Variants in NALF1 observed in about 807,000 individuals in gnomAD.
The protein encoded by NALF1 is family with sequence similarity 155 member A.
In NALF1, 3 loss-of-function variants were observed where a neutral mutation model predicts 48.4. The ratio of observed to expected loss-of-function variants is 0.06; its 90% CI spans 0.03 to 0.16. The LOEUF is 0.16. Ranked by LOEUF, NALF1 falls within the 10% of genes least tolerant of loss-of-function variation. The pLI, the probability that NALF1 is intolerant of heterozygous loss-of-function variation, is 1.00. For synonymous variants in NALF1, 262 were observed against 245.7 expected (o/e 1.07, Z -0.62); for missense variants, 526 against 571.5 (o/e 0.92, Z 0.81).
At chr13:107,725,810 C>T (rs1876132644) in intron 1 of NALF1, among the ~76,000 whole-genome samples, 1 of 152,000 alleles carries the variant, frequency 6.6e-6, no homozygotes, top group Admixed American at 6.6e-5. Flanking sequence ...TTTGTTTAAC[C>T]TGATATGAGT....
chr13:107,726,868 T>C (rs923801875), intron 1 of NALF1, among the ~76,000 whole-genome samples: 7 of 151,294 alleles, frequency 4.6e-5, no homozygotes, highest in African/African-American at 1.5e-4. Context: ...CCTCCCAAAG[T>C]GCTGGGATTA....
At chr13:107,559,945 G>A (rs1037529077) in intron 1 of NALF1, among the ~76,000 whole-genome samples, 5 of 152,076 alleles carry the variant, frequency 3.3e-5, no homozygotes, top group Non-Finnish European at 7.3e-5. Flanking sequence ...ACTAAAGGGG[G>A]ATCCACCGGC....
intron 1 of NALF1, among the ~76,000 whole-genome samples, chr13:107,820,673 A>G (rs1879337210): frequency 6.6e-6 from 1 of 152,202 alleles, no homozygotes; most frequent in South Asian, 2.1e-4. Context: ...TTGTGCTTAA[A>G]TGCTTCACAT....
intron 1 of NALF1, among the ~76,000 whole-genome samples, chr13:107,266,504 C>G (rs1881041769): frequency 1.3e-5 from 2 of 152,162 alleles, no homozygotes; most frequent in Admixed American, 1.3e-4. Context: ...TCTCACTACT[C>G]TTAAGTTTCC....
chr13:107,820,210 C>T (rs9587442), intron 1 of NALF1, among the ~76,000 whole-genome samples: 5,262 of 152,232 alleles, frequency 0.035, 136 homozygotes, highest in African/African-American at 0.069. Flanking sequence ...TAGTATTCTG[C>T]ATAAGGTAAG....
At chr13:107,379,198 A>C (rs1883390065) in intron 1 of NALF1, among the ~76,000 whole-genome samples, 1 of 152,176 alleles carries the variant, frequency 6.6e-6, no homozygotes. Flanking sequence ...AGCTCAAAAA[A>C]ATCACTTTAT....
At chr13:107,737,188 A>G (rs1039403287) in intron 1 of NALF1, among the ~76,000 whole-genome samples, 1 of 152,208 alleles carries the variant, frequency 6.6e-6, no homozygotes, top group African/African-American at 2.4e-5. Flanking sequence ...CTTAGTAGCC[A>G]TTATATAATT....
chr13:107,544,798 G>A (rs1594120855), intron 1 of NALF1, among the ~76,000 whole-genome samples: 1 of 152,138 alleles, frequency 6.6e-6, no homozygotes, highest in Non-Finnish European at 1.5e-5. Flanking sequence ...TTCAGCACAT[G>A]ACTAGAGAAG....
intron 1 of NALF1, among the ~76,000 whole-genome samples, chr13:107,435,276 C>T (rs1350927341): frequency 1.3e-5 from 2 of 151,772 alleles, no homozygotes; most frequent in Admixed American, 1.3e-4. Context: ...AAACCTTTTC[C>T]GGCTGTGGAG....
At chr13:107,817,430 C>G (rs1466433665) in intron 1 of NALF1, among the ~76,000 whole-genome samples, 1 of 152,074 alleles carries the variant, frequency 6.6e-6, no homozygotes, top group East Asian at 1.9e-4. Flanking sequence ...GACACACAGC[C>G]AGAGCTATAT....
intron 1 of NALF1, among the ~76,000 whole-genome samples, chr13:107,478,031 C>A (rs1455556504): frequency 6.6e-6 from 1 of 152,158 alleles, no homozygotes; most frequent in African/African-American, 2.4e-5. Flanking sequence ...AACCTACCAT[C>A]CTGCTCCCTG....
chr13:107,327,227 C>T (rs1882381675), intron 1 of NALF1, among the ~76,000 whole-genome samples: 6 of 152,078 alleles, frequency 3.9e-5, no homozygotes, highest in Admixed American at 3.9e-4. Flanking sequence ...GCCACCAAGA[C>T]CTACAGAAAG....
Position 107,866,659 on chromosome 13 carries a change from A to C in NALF1, c.-63T>G. On this transcript the variant is annotated 5_prime_UTR_variant, in exon 1 of 3. The change creates a new upstream start codon in the 5' untranslated region. Transcript: ENST00000375915. This position sits in a 1 kb window ranked among gnomAD's most constrained non-coding sequence, Gnocchi z 4.4. ...AGGGCGCCTGTGCCGGTGTCACCACAATATGCATTGACTTAAAGGGTTTAA... is the reference window on the plus strand; with the variant it reads ...AGGGCGCCTGTGCCGGTGTCACCACCATATGCATTGACTTAAAGGGTTTAA... 1 of 1,371,000 alleles carries C rather than the reference A, an allele frequency of 7.3e-7. No individual in the cohort carries two copies. The allele number at this position is 1,371,000 out of a possible 1,614,324, so 84.9% of individuals were successfully genotyped here.
chr13:107,430,759 T>A (rs900914677), intron 1 of NALF1, among the ~76,000 whole-genome samples: 29 of 152,198 alleles, frequency 1.9e-4, no homozygotes, highest in African/African-American at 6.8e-4. Context: ...GCAGTAAACA[T>A]ACGTGTACAT....
chr13:107,760,689 A>G (rs1285735532), intron 1 of NALF1, among the ~76,000 whole-genome samples: 1 of 152,204 alleles, frequency 6.6e-6, no homozygotes, highest in Admixed American at 6.5e-5. Flanking sequence ...AAAGTTTTAA[A>G]TGTTACTCAA....
chr13:107,526,980 G>A (rs529077328), intron 1 of NALF1, among the ~76,000 whole-genome samples: 2 of 152,262 alleles, frequency 1.3e-5, no homozygotes, highest in African/African-American at 4.8e-5. Context: ...TTAGGCTGAA[G>A]AACCATGAAG....
intron 1 of NALF1, among the ~76,000 whole-genome samples, chr13:107,538,423 T>C (rs1241581400): frequency 6.6e-6 from 1 of 152,144 alleles, no homozygotes; most frequent in Non-Finnish European, 1.5e-5. Flanking sequence ...TCCTACAACA[T>C]AGAAAATGTT....
chr13:107,555,160 C>T (rs1489890230), intron 1 of NALF1, among the ~76,000 whole-genome samples: 2 of 152,024 alleles, frequency 1.3e-5, no homozygotes, highest in East Asian at 1.9e-4. Flanking sequence ...ATTCACCACC[C>T]GAACCACGAG....
At chr13:107,457,982 C>G (rs1884851801) in intron 1 of NALF1, among the ~76,000 whole-genome samples, 1 of 151,856 alleles carries the variant, frequency 6.6e-6, no homozygotes, top group African/African-American at 2.4e-5. Context: ...CTGACAAACA[C>G]TCCACAGCCT....
Sources: gnomAD v4.1 joint callset for allele counts (sites outside exome capture counted in the v4.1 genomes callset) on GRCh38, gnomAD v4.1.1 for gene constraint, Gnocchi (gnomAD v3.1) non-coding constraint, MANE v1.5 for transcripts, NCBI Gene and HGNC (gene_info 2026-07-23, HGNC 2026-07-21) for gene names.